FANCL: variants seen among roughly 807,000 people sequenced by gnomAD.
FANCL encodes the protein FA complementation group L, also known as E3 ubiquitin-protein ligase FANCL.
FANCL carries 69 observed loss-of-function variants against 59.4 expected under a neutral mutation model. The observed-to-expected ratio is 1.16, with a 90% CI of 0.96 to 1.42. The LOEUF is 1.42. Ranked by LOEUF, FANCL falls within the 40% of genes most tolerant of loss-of-function variation. The pLI, the probability that FANCL is intolerant of heterozygous loss-of-function variation, is 0.00. For missense variants in FANCL, 519 were observed against 447.2 expected, an observed-to-expected ratio of 1.16 and a Z score of -1.45; for synonymous variants, 180 against 147.1, an observed-to-expected ratio of 1.22 and a Z score of -1.62.
chr2:58,211,895 G>C (rs1691200638), intron 5 of FANCL, among the ~76,000 whole-genome samples: 1 of 151,924 alleles, frequency 6.6e-6, no homozygotes, highest in African/African-American at 2.4e-5. Flanking sequence ...CAGCATTTTG[G>C]GCAAAGCCAA....
intron 2 of FANCL, among the ~76,000 whole-genome samples, chr2:58,230,942 A>C (rs564635872): frequency 6.6e-6 from 1 of 152,288 alleles, no homozygotes; most frequent in South Asian, 2.1e-4. Flanking sequence ...CTTTTTCTTC[A>C]AAATACTTTA....
intron 7 of FANCL, chr2:58,194,293 T>C (rs746817862): frequency 4.2e-6 from 2 of 470,796 alleles, no homozygotes; most frequent in Non-Finnish European, 8.8e-6. Flanking sequence ...AGGAATTTCG[T>C]TTTTTTATAA....
At chr2:58,163,113 C>A (rs1392292448) in intron 9 of FANCL, 39 bp from the exon 10 acceptor site, 4 of 1,544,830 alleles carry the variant, frequency 2.6e-6, no homozygotes, top group South Asian at 1.1e-5. Context: ...ATTGCATGCT[C>A]TACTCTTGGT....
chr2:58,169,007 C>T (rs1302562649), intron 7 of FANCL, among the ~76,000 whole-genome samples: 2 of 152,120 alleles, frequency 1.3e-5, no homozygotes, highest in Non-Finnish European at 2.9e-5. Flanking sequence ...GGGAAAGGGG[C>T]GGCTGTGGGC....
rs1320407011 is a variant in FANCL, at chr2:58,159,470, A to AT, written c.*294dup. ...AACTCATTTTATGAGCCTCATCAAG[A>AT]TTTTACCAGTCCAGATATATTCAAG... On this transcript the variant is annotated 3_prime_UTR_variant, in exon 14 of 14. Transcript: ENST00000233741. 5.0e-6 allele frequency: 8 copies of AT among 1,613,686 alleles called. No individual in the cohort carries two copies. The highest frequency in any genetic ancestry group is 6.8e-6 in the Non-Finnish European group (8 of 1,179,754).
chr2:58,178,899 T>A (rs1294370577), intron 7 of FANCL, among the ~76,000 whole-genome samples: 27 of 152,112 alleles, frequency 1.8e-4, no homozygotes, highest in Non-Finnish European at 2.4e-4. Context: ...GGATACAAAA[T>A]CAATGTACAA....
chr2:58,190,539 C>T (rs1037870622), intron 7 of FANCL, among the ~76,000 whole-genome samples: 4 of 149,838 alleles, frequency 2.7e-5, no homozygotes, highest in African/African-American at 9.8e-5. Context: ...AAAAGACTAG[C>T]TTTTTGTTCC....
At chr2:58,211,596 T>C (rs1187052550) in intron 5 of FANCL, among the ~76,000 whole-genome samples, 1 of 152,240 alleles carries the variant, frequency 6.6e-6, no homozygotes, top group Non-Finnish European at 1.5e-5. Context: ...ATTGTCAGGC[T>C]GCAAATTTTT....
chr2:58,184,610 G>C (rs1363723285), intron 7 of FANCL, among the ~76,000 whole-genome samples: 1 of 151,956 alleles, frequency 6.6e-6, no homozygotes, highest in Non-Finnish European at 1.5e-5. Context: ...AAAAATATAA[G>C]AGAAAAATTA....
chr2:58,185,133 A>G (rs1303688663), intron 7 of FANCL, among the ~76,000 whole-genome samples: 1 of 152,138 alleles, frequency 6.6e-6, no homozygotes, highest in East Asian at 1.9e-4. Flanking sequence ...TATGGAATCT[A>G]ATCTTCCTAT....
At chr2:58,218,334 G>A (rs1280714113) in intron 5 of FANCL, among the ~76,000 whole-genome samples, 1 of 151,578 alleles carries the variant, frequency 6.6e-6, no homozygotes, top group African/African-American at 2.4e-5. Flanking sequence ...ATACAACAGA[G>A]AAAATTAACA....
At chr2:58,193,665 G>GTT (rs1689154631) in intron 7 of FANCL, among the ~76,000 whole-genome samples, 1 of 152,064 alleles carries the variant, frequency 6.6e-6, no homozygotes. Flanking sequence ...TTCCACTACT[G>GTT]TAAGTCCTCC....
chr2:58,168,334 G>A (rs1211986917), intron 7 of FANCL, among the ~76,000 whole-genome samples: 1 of 152,154 alleles, frequency 6.6e-6, no homozygotes, highest in African/African-American at 2.4e-5. Context: ...ACCTCACTCA[G>A]GAAGCGCAAG....
rs781357185 is a variant in FANCL at position 58,232,073 on chromosome 2, A to C, written c.136T>G (p.Leu46Val). 1.2e-6 allele frequency: 2 copies of C among 1,613,406 alleles called. No individual in the cohort carries two copies. The highest frequency in any genetic ancestry group is 2.2e-5 in the South Asian group (2 of 91,064). ...TATCACCTTGCATTCTTCAGTTGTAAATCTTCAGGCAACACTATCCTAAGG... is the reference window on the plus strand; with the variant it reads ...TATCACCTTGCATTCTTCAGTTGTACATCTTCAGGCAACACTATCCTAAGG... ...FHLRIVLPED[L>V]QLKNARLLCS... The change falls in exon 2 of 14, where the codon TTA (leucine) becomes GTA (valine). Residue 46 changes from leucine to valine, a missense_variant. By Grantham distance (32) the Leu-to-Val change is conservative. Coordinates refer to ENST00000233741, the MANE Select transcript of FANCL (RefSeq NM_018062.4).
intron 7 of FANCL, among the ~76,000 whole-genome samples, chr2:58,171,421 G>A (rs1686598990): frequency 6.6e-6 from 1 of 152,146 alleles, no homozygotes; most frequent in Non-Finnish European, 1.5e-5. Context: ...ACATGAGAAA[G>A]CAGAAAGAAC....
At chr2:58,219,063 C>T (rs1159813389) in intron 5 of FANCL, among the ~76,000 whole-genome samples, 1 of 143,610 alleles carries the variant, frequency 7.0e-6, no homozygotes, top group Non-Finnish European at 1.5e-5. Flanking sequence ...ACCAGGACTC[C>T]TTGGAAAAAT....
rs1435788011 is a variant in FANCL, at chr2:58,183,873, A to G, written c.540+14721T>C. On this transcript the variant is annotated intron_variant, in intron 7 of 13. Coordinates refer to ENST00000233741, the MANE Select transcript of FANCL (RefSeq NM_018062.4). ...CTGATATAAAAGTACCCAGTTTGCA[A>G]GGAAATCACAGCTCTCATATTGATG... Among the ~76,000 whole-genome samples, 3 of 151,984 alleles carry G rather than the reference A, an allele frequency of 2.0e-5. No individual in the cohort carries two copies. In the East Asian group the frequency reaches 5.8e-4, roughly 29 times the overall value.
intron 5 of FANCL, among the ~76,000 whole-genome samples, chr2:58,207,675 AT>A (rs1334797376): frequency 1.3e-5 from 2 of 152,342 alleles, no homozygotes; most frequent in Non-Finnish European, 2.9e-5. Flanking sequence ...ACAGAAAAAA[AT>A]ATCTTGGTGT....
At chr2:58,217,201 TATATATATATATATAC>T (rs1274675252) in intron 5 of FANCL, among the ~76,000 whole-genome samples, 746 of 12,138 alleles carry the variant, frequency 0.061, 5 homozygotes, top group South Asian at 0.14. Flanking sequence ...TATATATATA[TATATATATATATATAC>T]ACACACACAC....
Sources: allele counts gnomAD v4.1 joint callset (sites outside exome capture counted in the v4.1 genomes callset), GRCh38; gene constraint gnomAD v4.1.1; transcripts MANE v1.5; gene names NCBI Gene and HGNC (gene_info 2026-07-23, HGNC 2026-07-21).